LRRC1: variants seen among roughly 807,000 people sequenced by gnomAD.
The protein encoded by LRRC1 is leucine-rich repeat-containing protein 1.
Under a neutral mutation model 69.9 loss-of-function variants are expected in LRRC1, and 28 were observed. The ratio of observed to expected loss-of-function variants is 0.40; its 90% CI spans 0.30 to 0.55. The LOEUF (loss-of-function observed/expected upper bound fraction) is 0.55. Among genes scored for constraint, LRRC1 ranks in the 20% least tolerant of loss-of-function variants. LRRC1 has a pLI of 0.47. For missense variants in LRRC1, 498 were observed against 609.0 expected (o/e 0.82, Z 1.92); for synonymous variants, 236 against 240.2 (o/e 0.98, Z 0.16).
intron 1 of LRRC1, among the ~76,000 whole-genome samples, chr6:53,816,833 G>A (rs6933638): frequency 0.019 from 2,931 of 152,134 alleles, 96 homozygotes; most frequent in African/African-American, 0.068. Flanking sequence ...TCTGAAAGTC[G>A]GAACCTCCGC....
intron 1 of LRRC1, among the ~76,000 whole-genome samples, chr6:53,797,710 C>T (rs918796843): frequency 1.3e-5 from 2 of 152,192 alleles, no homozygotes; most frequent in African/African-American, 4.8e-5. Flanking sequence ...AGCAAAGATG[C>T]ACTCTCCAGG....
intron 2 of LRRC1, among the ~76,000 whole-genome samples, chr6:53,844,472 T>G (rs1222888324): frequency 6.6e-6 from 1 of 152,188 alleles, no homozygotes; most frequent in Non-Finnish European, 1.5e-5. Context: ...GCTGCCAGTT[T>G]TACCAGTTCC....
At chr6:53,906,879 A>G (rs552909476) in intron 10 of LRRC1, among the ~76,000 whole-genome samples, 1 of 152,220 alleles carries the variant, frequency 6.6e-6, no homozygotes, top group Non-Finnish European at 1.5e-5. Flanking sequence ...GATCTTTTCT[A>G]GATCACCTCC....
At chr6:53,892,011 T>TACACACAC (rs70980877) in intron 4 of LRRC1, among the ~76,000 whole-genome samples, 1,688 of 135,318 alleles carry the variant, frequency 0.012, 26 homozygotes, top group East Asian at 0.058. Flanking sequence ...TATATATATA[T>TACACACAC]ACACACACAC....
At chr6:53,821,725 T>C (rs1765120798) in intron 1 of LRRC1, among the ~76,000 whole-genome samples, 1 of 152,248 alleles carries the variant, frequency 6.6e-6, no homozygotes, top group Non-Finnish European at 1.5e-5. Context: ...TGTTAGCCTT[T>C]CTCAGATTCT....
At chr6:53,885,090 C>G (rs1767429891) in intron 4 of LRRC1, among the ~76,000 whole-genome samples, 1 of 152,240 alleles carries the variant, frequency 6.6e-6, no homozygotes, top group South Asian at 2.1e-4. Flanking sequence ...TAGCAAGAAA[C>G]TGTGATTTCT....
chr6:53,865,067 C>A (rs1766654118), intron 2 of LRRC1, among the ~76,000 whole-genome samples: 1 of 152,132 alleles, frequency 6.6e-6, no homozygotes, highest in Admixed American at 6.5e-5. Flanking sequence ...CAGGATGAGC[C>A]ATAGTGCACA....
chr6:53,894,009 C>T (rs1182097144), intron 4 of LRRC1, among the ~76,000 whole-genome samples: 3 of 152,150 alleles, frequency 2.0e-5, no homozygotes, highest in Non-Finnish European at 4.4e-5. Flanking sequence ...TAAAATCAAA[C>T]AGCAAAAATT....
At chr6:53,863,454 G>C (rs1292186894) in intron 2 of LRRC1, among the ~76,000 whole-genome samples, 3 of 152,160 alleles carry the variant, frequency 2.0e-5, no homozygotes, top group Non-Finnish European at 4.4e-5. Context: ...CCGCTCCCGG[G>C]CTCTTCTTCA....
Position 53,806,612 on chromosome 6 carries a change from A to G in LRRC1, c.159+11197A>G, listed in dbSNP as rs115042496. Among the ~76,000 whole-genome samples, 912 of 152,232 alleles carry G rather than the reference A, an allele frequency of 6.0e-3. 5 individuals carry two copies. The highest frequency in any genetic ancestry group is 0.021 in the African/African-American group (865 of 41,520). ...CTGTGTGTTGACCCTCTCTGATGCT[A>G]ATTTTATGACTTGATGTCCCAGAGT... On this transcript the variant is annotated intron_variant, in intron 1 of 13. Coordinates refer to ENST00000370888, the MANE Select transcript of LRRC1 (RefSeq NM_018214.5).
chr6:53,870,248 CGGTT>C (rs1034899814), intron 2 of LRRC1, among the ~76,000 whole-genome samples: 2 of 152,134 alleles, frequency 1.3e-5, no homozygotes, highest in Non-Finnish European at 2.9e-5. Flanking sequence ...TGTGATTTCT[CGGTT>C]GGCCCATCTT....
chr6:53,832,017 A>G (rs1220762747), intron 1 of LRRC1, among the ~76,000 whole-genome samples: 3 of 152,214 alleles, frequency 2.0e-5, no homozygotes, highest in East Asian at 3.9e-4. Context: ...GCTGATTTTA[A>G]TGTTGGTGTA....
At chr6:53,868,443 C>T (rs760454090) in intron 2 of LRRC1, among the ~76,000 whole-genome samples, 5 of 152,138 alleles carry the variant, frequency 3.3e-5, no homozygotes, top group Non-Finnish European at 7.4e-5. Context: ...CCAGGCTGGT[C>T]TCGAACTCCT....
rs58959665 is a variant in LRRC1 at position 53,826,197 on chromosome 6, CT to C, written c.160-15895del. Among the ~76,000 whole-genome samples the C allele has an allele frequency of 4.2e-3, 587 of 138,370 alleles. 5 individuals carry two copies. Among genetic ancestry groups the C allele is most frequent in the East Asian group, 0.037 (169 of 4,626 alleles). The allele number at this position is 138,370 out of a possible 152,430, so 90.8% of individuals were successfully genotyped here. On this transcript the variant is annotated intron_variant, in intron 1 of 13. Transcript: ENST00000370888. Reference sequence around the variant, plus strand: ...CTTTATGTCTCCTCCACATATCTGCCTTTTTTTTTTTTTTTTTTGGACTCCT... The same window carrying C: ...CTTTATGTCTCCTCCACATATCTGCCTTTTTTTTTTTTTTTTTGGACTCCT...
intron 2 of LRRC1, among the ~76,000 whole-genome samples, chr6:53,870,912 T>G (rs961629089): frequency 6.6e-6 from 1 of 152,248 alleles, no homozygotes; most frequent in African/African-American, 2.4e-5. Flanking sequence ...GAGTCTGACT[T>G]ATTTCACTTA....
chr6:53,878,242 G>C (rs777032432), intron 2 of LRRC1, among the ~76,000 whole-genome samples: 2 of 152,060 alleles, frequency 1.3e-5, no homozygotes, highest in Admixed American at 1.3e-4. Context: ...ATTTGGGTGG[G>C]GACACAACCA....
intron 2 of LRRC1, among the ~76,000 whole-genome samples, chr6:53,871,726 A>G (rs111509356): frequency 0.011 from 1,710 of 152,114 alleles, 23 homozygotes; most frequent in East Asian, 0.041. Context: ...TGGGTGCAGT[A>G]TCGTGATCTC....
intron 1 of LRRC1, among the ~76,000 whole-genome samples, chr6:53,832,191 A>G (rs1765446422): frequency 6.6e-6 from 1 of 152,200 alleles, no homozygotes; most frequent in African/African-American, 2.4e-5. Context: ...CATAACAGAT[A>G]AGGTTTATGA....
At chr6:53,840,530 G>C (rs541251903) in intron 1 of LRRC1, among the ~76,000 whole-genome samples, 6 of 152,046 alleles carry the variant, frequency 3.9e-5, no homozygotes, top group African/African-American at 1.2e-4. Context: ...ATGTCCTGCA[G>C]TTTCCTGTAT....
Sources: gnomAD v4.1 joint callset for allele counts (sites outside exome capture counted in the v4.1 genomes callset) on GRCh38, gnomAD v4.1.1 for gene constraint, MANE v1.5 for transcripts, NCBI Gene and HGNC (gene_info 2026-07-23, HGNC 2026-07-21) for gene names.